Variants in ATP10B observed in about 807,000 individuals in gnomAD.
ATP10B encodes phospholipid-transporting ATPase VB.
In ATP10B, 122 loss-of-function variants were observed where a neutral mutation model predicts 141.2. That is an observed-to-expected ratio of 0.86 (90% CI 0.75 to 1.00). The LOEUF (loss-of-function observed/expected upper bound fraction) is 1.00. Among genes scored for constraint, ATP10B ranks in the 50% least tolerant of loss-of-function variants. The pLI is 0.00. For synonymous variants in ATP10B, 685 were observed against 692.0 expected, an observed-to-expected ratio of 0.99 and a Z score of 0.16; for missense variants, 1,876 against 1,825.3, an observed-to-expected ratio of 1.03 and a Z score of -0.51.
chr5:160,807,846 T>C (rs1013971405), intron 1 of ATP10B, among the ~76,000 whole-genome samples: 51 of 152,224 alleles, frequency 3.4e-4, no homozygotes, highest in African/African-American at 1.2e-3. Context: ...TTTCTAGAAC[T>C]GACCAACTAC....
chr5:160,929,222 C>A, the ATP10B span, among the ~76,000 whole-genome samples: 1 of 152,286 alleles, frequency 6.6e-6, no homozygotes, highest in South Asian at 2.1e-4. Flanking sequence ...AGACACTTAC[C>A]TCCTACCTCC....
chr5:160,706,109 C>T (rs1054690060), intron 3 of ATP10B, among the ~76,000 whole-genome samples: 6 of 152,108 alleles, frequency 3.9e-5, no homozygotes, highest in African/African-American at 7.2e-5. Context: ...GTGTGGTTGG[C>T]GGTGCCCCAA....
At chr5:160,846,812 G>T (rs976188663) in intron 1 of ATP10B, among the ~76,000 whole-genome samples, 1 of 152,140 alleles carries the variant, frequency 6.6e-6, no homozygotes, top group Non-Finnish European at 1.5e-5. Flanking sequence ...TCCCATGTTG[G>T]CTCTGTCTCT....
At chr5:160,751,820 C>T (rs1480102149) in intron 2 of ATP10B, among the ~76,000 whole-genome samples, 3 of 152,020 alleles carry the variant, frequency 2.0e-5, no homozygotes, top group Admixed American at 2.0e-4. Context: ...TGGATGTGTG[C>T]GTGTTTGTGG....
At chr5:160,804,675 T>TG (rs1772648250) in intron 1 of ATP10B, among the ~76,000 whole-genome samples, 1 of 152,224 alleles carries the variant, frequency 6.6e-6, no homozygotes. Context: ...ATGATCACAG[T>TG]GGGGACTGTG....
chr5:160,781,279 T>A (rs1292003696), intron 2 of ATP10B, among the ~76,000 whole-genome samples: 1 of 152,170 alleles, frequency 6.6e-6, no homozygotes, highest in African/African-American at 2.4e-5. Flanking sequence ...AAGTAGTAGG[T>A]GCTGTGGATG....
intron 2 of ATP10B, among the ~76,000 whole-genome samples, chr5:160,779,905 T>C (rs1770602305): frequency 6.6e-6 from 1 of 152,210 alleles, no homozygotes; most frequent in African/African-American, 2.4e-5. Context: ...ATACACATGG[T>C]AGACATCACT....
chr5:160,755,397 C>T (rs1348828517), intron 2 of ATP10B, among the ~76,000 whole-genome samples: 3 of 152,118 alleles, frequency 2.0e-5, no homozygotes, highest in South Asian at 2.1e-4. Context: ...ATTTCGTTGT[C>T]GTGTGAACAT....
chr5:160,858,450 G>T, the ATP10B span, among the ~76,000 whole-genome samples: 2 of 151,374 alleles, frequency 1.3e-5, no homozygotes, highest in East Asian at 3.9e-4. Flanking sequence ...TTTGAATTTT[G>T]TTTCTCAAGT....
At chr5:160,584,381 A>C (rs1164763170) in intron 24 of ATP10B, among the ~76,000 whole-genome samples, 1 of 151,986 alleles carries the variant, frequency 6.6e-6, no homozygotes, top group Non-Finnish European at 1.5e-5. Flanking sequence ...AAGCACTCCC[A>C]GTGAGATGAG....
the ATP10B span, among the ~76,000 whole-genome samples, chr5:160,897,361 A>G: frequency 6.6e-6 from 1 of 152,250 alleles, no homozygotes; most frequent in East Asian, 1.9e-4. Context: ...ATAAGAAATC[A>G]ATGTGTAAAA....
At chr5:160,855,532 T>C (rs576778103), upstream of ATP10B, among the ~76,000 whole-genome samples, 9 of 151,984 alleles carry the variant, frequency 5.9e-5, no homozygotes, top group African/African-American at 2.2e-4. Context: ...TTGTCGGATA[T>C]GTGGTTGGGA....
the ATP10B span, among the ~76,000 whole-genome samples, chr5:160,872,526 CCT>C: frequency 6.6e-6 from 1 of 152,140 alleles, no homozygotes; most frequent in Non-Finnish European, 1.5e-5. Context: ...AGATTTGAGT[CCT>C]TAATACATCT....
chr5:160,782,438 T>TACACACACACACACACAC (rs57112303), intron 2 of ATP10B, among the ~76,000 whole-genome samples: 1 of 141,076 alleles, frequency 7.1e-6, no homozygotes, highest in Non-Finnish European at 1.5e-5. Context: ...TCTTCCTCCA[T>TACACACACACACACACAC]ACACACACAC....
chr5:160,831,704 G>T (rs376029738), intron 1 of ATP10B, among the ~76,000 whole-genome samples: 2 of 152,070 alleles, frequency 1.3e-5, no homozygotes, highest in African/African-American at 4.8e-5. Flanking sequence ...ACAATTCATT[G>T]TGAAAAGTGC....
intron 2 of ATP10B, among the ~76,000 whole-genome samples, chr5:160,762,296 T>C (rs191939136): frequency 1.6e-4 from 25 of 152,250 alleles, no homozygotes; most frequent in African/African-American, 5.5e-4. Context: ...AAGGAAAGAA[T>C]CTTAACAGCT....
chr5:160,864,910 G>A, the ATP10B span, among the ~76,000 whole-genome samples: 8 of 152,012 alleles, frequency 5.3e-5, no homozygotes, highest in African/African-American at 1.9e-4. Flanking sequence ...ACAGAACACT[G>A]CTGAAAGAAA....
At chr5:160,757,308 T>C (rs952966297) in intron 2 of ATP10B, among the ~76,000 whole-genome samples, 1 of 152,222 alleles carries the variant, frequency 6.6e-6, no homozygotes, top group Non-Finnish European at 1.5e-5. Flanking sequence ...TCATTTGCCA[T>C]GAAAGTAGTT....
At chr5:160,726,361 C>T (rs769971208) in intron 2 of ATP10B, among the ~76,000 whole-genome samples, 24 of 152,176 alleles carry the variant, frequency 1.6e-4, no homozygotes, top group Non-Finnish European at 3.2e-4. Context: ...CAGCAACAGC[C>T]TGAGTATTTT....
Sources: gnomAD v4.1 joint callset for allele counts (sites outside exome capture counted in the v4.1 genomes callset) on GRCh38, gnomAD v4.1.1 for gene constraint, MANE v1.5 for transcripts, NCBI Gene and HGNC (gene_info 2026-07-23, HGNC 2026-07-21) for gene names.